The following NELL1 variants were observed in gnomAD, a reference collection of about 807,000 sequenced individuals.
The protein encoded by NELL1 is protein kinase C-binding protein NELL1.
A neutral mutation model predicts 107.4 loss-of-function variants in NELL1; 76 were observed. That is an observed-to-expected ratio of 0.71 (90% CI 0.59 to 0.86). NELL1 has a LOEUF of 0.86. NELL1 is among the 40% of genes least tolerant of loss of function. The pLI is 0.00. For missense variants in NELL1, 1,024 were observed against 1,005.5 expected, an observed-to-expected ratio of 1.02 and a Z score of -0.25; for synonymous variants, 353 against 341.2, an observed-to-expected ratio of 1.03 and a Z score of -0.38.
chr11:21,499,334 C>G (rs1232826636), intron 15 of NELL1, among the ~76,000 whole-genome samples: 2 of 152,096 alleles, frequency 1.3e-5, no homozygotes, highest in Non-Finnish European at 2.9e-5. Context: ...CTTTACTCCA[C>G]TGATAATGCT....
At chr11:21,182,714 C>G (rs1856854185) in intron 13 of NELL1, among the ~76,000 whole-genome samples, 1 of 151,528 alleles carries the variant, frequency 6.6e-6, no homozygotes, top group African/African-American at 2.4e-5. Context: ...AAAGAGGCTT[C>G]CCAGGTGCTA....
At chr11:21,139,075 A>G (rs1232018568) in intron 13 of NELL1, among the ~76,000 whole-genome samples, 1 of 152,238 alleles carries the variant, frequency 6.6e-6, no homozygotes, top group Non-Finnish European at 1.5e-5. Flanking sequence ...AATAACCTCT[A>G]GGTAATGCAG....
intron 12 of NELL1, among the ~76,000 whole-genome samples, chr11:20,993,156 A>G (rs1565004485): frequency 6.6e-6 from 1 of 152,084 alleles, no homozygotes. Flanking sequence ...TTTAGAAGCT[A>G]TCTCCTTGAA....
intron 12 of NELL1, among the ~76,000 whole-genome samples, chr11:21,070,406 T>G (rs1350669300): frequency 6.6e-6 from 1 of 152,062 alleles, no homozygotes; most frequent in Non-Finnish European, 1.5e-5. Flanking sequence ...ACTCTCCAAA[T>G]GGTATTATAA....
rs1849002774 is a variant in NELL1 at position 20,862,734 on chromosome 11, C to A, written c.506+14981C>A. On this transcript the variant is annotated intron_variant, in intron 4 of 19. Coordinates refer to ENST00000357134, the MANE Select transcript of NELL1 (RefSeq NM_006157.5). ...AAGTGAACAAAGGTCTCTGGCTTTC[C>A]TAGGCAGAGGACCCTGGCCTTCCGC... Among the ~76,000 whole-genome samples the A allele has an allele frequency of 1.3e-5, 2 of 150,016 alleles. 1 individual carries two copies. The highest frequency in any genetic ancestry group is 1.4e-4 in the Admixed American group (2 of 14,812).
intron 15 of NELL1, among the ~76,000 whole-genome samples, chr11:21,467,756 G>C (rs564253925): frequency 6.6e-5 from 10 of 152,076 alleles, no homozygotes; most frequent in African/African-American, 2.2e-4. Flanking sequence ...CAAAGTGCTC[G>C]TAACAGGGAG....
intron 15 of NELL1, among the ~76,000 whole-genome samples, chr11:21,454,234 C>T: frequency 6.7e-6 from 1 of 149,130 alleles, no homozygotes; most frequent in Non-Finnish European, 1.5e-5. Flanking sequence ...CAATTTCATC[C>T]ATGTCCCTAC....
At chr11:20,981,916 GTCACCAAGGCTCAAACAA>G (rs1851757455) in intron 12 of NELL1, among the ~76,000 whole-genome samples, 1 of 151,792 alleles carries the variant, frequency 6.6e-6, no homozygotes, top group Non-Finnish European at 1.5e-5. Flanking sequence ...CTCAAACAAT[GTCACCAAGGCTCAAACAA>G]TGTCACCAGG....
intron 13 of NELL1, among the ~76,000 whole-genome samples, chr11:21,223,035 G>A (rs1238867092): frequency 6.6e-6 from 1 of 152,086 alleles, no homozygotes; most frequent in Non-Finnish European, 1.5e-5. Flanking sequence ...ATATTGTTCT[G>A]GAAATGTCTT....
chr11:21,044,480 G>C (rs907265632), intron 12 of NELL1, among the ~76,000 whole-genome samples: 1 of 152,124 alleles, frequency 6.6e-6, no homozygotes, highest in Non-Finnish European at 1.5e-5. Flanking sequence ...GGCAGATCAG[G>C]GGACAAATGG....
intron 12 of NELL1, among the ~76,000 whole-genome samples, chr11:20,975,464 T>G (rs1036158092): frequency 6.7e-5 from 10 of 149,238 alleles, no homozygotes; most frequent in Admixed American, 4.0e-4. Context: ...TCAAAATAGA[T>G]ATTTCTTATT....
intron 2 of NELL1, among the ~76,000 whole-genome samples, chr11:20,725,696 G>A (rs556035306): frequency 6.0e-4 from 92 of 152,234 alleles, no homozygotes; most frequent in Non-Finnish European, 1.1e-3. Context: ...AATCCAGGTC[G>A]TACTAGGAAT....
In NELL1 at chr11:21,345,825, T is replaced by C. The variant is rs145608713; in HGVS notation, c.1550-25028T>C. Among the ~76,000 whole-genome samples, 42 of 152,256 alleles carry C rather than the reference T, an allele frequency of 2.8e-4. No individual in the cohort carries two copies. In the East Asian group the frequency reaches 7.5e-3, roughly 27 times the overall value. ...GAATTTTTCACAGAACTTACAGCCT[T>C]ATGTATGAGATCTGCACGACCAGCA... On this transcript the variant is annotated intron_variant, in intron 14 of 19. Coordinates refer to ENST00000357134, the MANE Select transcript of NELL1 (RefSeq NM_006157.5).
intron 12 of NELL1, among the ~76,000 whole-genome samples, chr11:21,102,395 A>G (rs1331821811): frequency 6.6e-6 from 1 of 152,136 alleles, no homozygotes; most frequent in Admixed American, 6.6e-5. Flanking sequence ...TTGAGACTGC[A>G]TGGTGTAGAG....
At chr11:20,900,658 A>G (rs76345604) in intron 5 of NELL1, among the ~76,000 whole-genome samples, 355 of 152,272 alleles carry the variant, frequency 2.3e-3, no homozygotes, top group African/African-American at 8.1e-3. Flanking sequence ...CAAGGACCGT[A>G]TGAGAAGGGA....
Position 20,847,719 on chromosome 11 carries a change from G to T in NELL1, c.472G>T (p.Ala158Ser), listed in dbSNP as rs751113746. ...QWHKVALSVS[A>S]SHLLLHVDCN... ...GCACAAGGTTGCACTGTCAGTTAGC[G>T]CCTCTCATCTCCTGCTCCATGTCGA... Residue 158 changes from alanine (A) to serine (S), a missense_variant, in exon 4 of 20, where the codon GCC (alanine) becomes TCC (serine). Coordinates refer to ENST00000357134, the MANE Select transcript of NELL1 (RefSeq NM_006157.5). The T allele has an allele frequency of 1.9e-6, 3 of 1,612,822 alleles. No individual in the cohort carries two copies. The highest frequency in any genetic ancestry group is 1.1e-5 in the South Asian group (1 of 90,902).
intron 13 of NELL1, among the ~76,000 whole-genome samples, chr11:21,182,114 C>T (rs578258398): frequency 2.8e-4 from 43 of 151,886 alleles, no homozygotes; most frequent in South Asian, 8.3e-4. Context: ...TTCTAGCAGA[C>T]GCCAGCCAGA....
At chr11:20,932,770 G>A (rs1290366990) in intron 9 of NELL1, among the ~76,000 whole-genome samples, 1 of 152,120 alleles carries the variant, frequency 6.6e-6, no homozygotes, top group Non-Finnish European at 1.5e-5. Flanking sequence ...GAACCCAGTG[G>A]GATGCTCTTG....
Position 21,079,683 on chromosome 11 carries a change from A to G in NELL1, c.1301-33906A>G, listed in dbSNP as rs1479514498. Among the ~76,000 whole-genome samples the G allele has an allele frequency of 6.6e-5, 10 of 152,216 alleles. No individual in the cohort carries two copies. The East Asian group carries it at 1.7e-3, about 26-fold the overall frequency. Reference sequence around the variant, plus strand: ...TTTAGAATTACTAGAATATATGGGAATAAACACAGCACTATATGCCAAACT... The same window carrying G: ...TTTAGAATTACTAGAATATATGGGAGTAAACACAGCACTATATGCCAAACT... On this transcript the variant is annotated intron_variant, in intron 12 of 19. Transcript: ENST00000357134.
Sources: allele counts gnomAD v4.1 joint callset (sites outside exome capture counted in the v4.1 genomes callset), GRCh38; gene constraint gnomAD v4.1.1; transcripts MANE v1.5; gene names NCBI Gene and HGNC (gene_info 2026-07-23, HGNC 2026-07-21).